Variants in OPN5 observed in about 807,000 individuals in gnomAD.
The protein encoded by OPN5 is opsin 5.
A neutral mutation model predicts 41.7 loss-of-function variants in OPN5; 18 were observed. The observed-to-expected ratio is 0.43, with a 90% CI of 0.30 to 0.64. OPN5 has a LOEUF of 0.64. OPN5 is among the 30% of genes least tolerant of loss of function. The pLI is 0.13. For missense variants in OPN5, 318 were observed against 434.5 expected, an observed-to-expected ratio of 0.73 and a Z score of 2.38; for synonymous variants, 178 against 164.3, an observed-to-expected ratio of 1.08 and a Z score of -0.64.
intron 5 of OPN5, among the ~76,000 whole-genome samples, chr6:47,808,720 A>G (rs957743808): frequency 2.0e-5 from 3 of 152,120 alleles, no homozygotes; most frequent in Non-Finnish European, 2.9e-5. Context: ...ATTTTATTCC[A>G]AGAGTACTGT....
At chr6:47,795,778 T>TCTCTCTCACA (rs766899041) in intron 4 of OPN5, among the ~76,000 whole-genome samples, 145 of 142,888 alleles carry the variant, frequency 1.0e-3, no homozygotes, top group African/African-American at 3.8e-3. Context: ...TCTCTCTCTC[T>TCTCTCTCACA]CACACACACA....
intron 5 of OPN5, 59 bp downstream of exon 5, chr6:47,808,454 T>C (rs967982500): frequency 5.7e-5 from 90 of 1,587,396 alleles, no homozygotes; most frequent in Non-Finnish European, 7.1e-5. Flanking sequence ...TCCGGCAGGG[T>C]TCAAGGTACT....
intron 4 of OPN5, among the ~76,000 whole-genome samples, chr6:47,797,057 A>G (rs1831232): frequency 0.15 from 22,351 of 152,152 alleles, 1,753 homozygotes; most frequent in Middle Eastern, 0.17. Context: ...GAACAGCATG[A>G]GAAAGTCCTG....
downstream of OPN5, chr6:47,825,205 A>G (rs901501743): frequency 2.6e-5 from 4 of 152,236 alleles, no homozygotes; most frequent in African/African-American, 7.2e-5. Context: ...AAGATTAAAT[A>G]AACAATAATA....
intron 2 of OPN5, 108 bp downstream of exon 2, chr6:47,786,742 T>G: frequency 6.5e-6 from 6 of 922,194 alleles, no homozygotes; most frequent in Non-Finnish European, 9.8e-6. Flanking sequence ...TCACATCTCC[T>G]TCCACTCTTC....
chr6:47,788,261 GGCCA>G (rs1773254262), intron 2 of OPN5, among the ~76,000 whole-genome samples: 1 of 152,214 alleles, frequency 6.6e-6, no homozygotes, highest in African/African-American at 2.4e-5. Flanking sequence ...TAGCTTTCCT[GGCCA>G]GCTCGCCTCG....
At chr6:47,806,598 ATCC>A (rs1267363502) in intron 4 of OPN5, among the ~76,000 whole-genome samples, 1 of 152,164 alleles carries the variant, frequency 6.6e-6, no homozygotes, top group African/African-American at 2.4e-5. Flanking sequence ...CTACAGGCTA[ATCC>A]TCCTAAGCAG....
chr6:47,811,945 A>C (rs961503650), intron 6 of OPN5: 11 of 370,876 alleles, frequency 3.0e-5, no homozygotes, highest in Admixed American at 4.2e-5. Context: ...TATCAGGATG[A>C]GCGTCCCTGG....
chr6:47,791,430 A>T (rs1316129610), intron 2 of OPN5, among the ~76,000 whole-genome samples: 2 of 152,230 alleles, frequency 1.3e-5, no homozygotes, highest in Non-Finnish European at 2.9e-5. Context: ...CGAATGAAAG[A>T]CTGCAACAAC....
downstream of OPN5, chr6:47,825,129 G>C (rs1478168448): frequency 6.6e-6 from 1 of 152,128 alleles, no homozygotes; most frequent in African/African-American, 2.4e-5. Context: ...TGGTCCAGTT[G>C]GGAAATGCCT....
intron 4 of OPN5, among the ~76,000 whole-genome samples, chr6:47,805,195 A>C (rs926050069): frequency 6.6e-6 from 1 of 152,228 alleles, no homozygotes; most frequent in Non-Finnish European, 1.5e-5. Flanking sequence ...TAACCAAATA[A>C]AAATTTCTCC....
At chr6:47,807,631 T>C (rs940182488) in intron 4 of OPN5, among the ~76,000 whole-genome samples, 1 of 152,164 alleles carries the variant, frequency 6.6e-6, no homozygotes, top group African/African-American at 2.4e-5. Flanking sequence ...ACCTAGTGAA[T>C]TTCCAGTACC....
chr6:47,805,857 G>C (rs1415612514), intron 4 of OPN5, among the ~76,000 whole-genome samples: 1 of 152,136 alleles, frequency 6.6e-6, no homozygotes, highest in Non-Finnish European at 1.5e-5. Flanking sequence ...CTTAAAGTTG[G>C]GGACGGGAGT....
chr6:47,808,265 G>A, exon 5 of OPN5: 1 of 1,614,004 alleles, frequency 6.2e-7, no homozygotes, highest in Non-Finnish European at 8.5e-7. Flanking sequence ...GCTCTCTGTG[G>A]TGCCAACCCT....
intron 6 of OPN5, among the ~76,000 whole-genome samples, chr6:47,815,497 A>G (rs917126520): frequency 6.6e-6 from 1 of 152,170 alleles, no homozygotes; most frequent in Non-Finnish European, 1.5e-5. Context: ...AGACTGCCAA[A>G]ACATCAGAGA....
chr6:47,801,893 A>G lies in OPN5; in HGVS notation c.757-6261A>G, dbSNP rs78666311. Among the ~76,000 whole-genome samples the G allele has an allele frequency of 6.0e-4, 92 of 152,188 alleles. 1 individual carries two copies. The highest frequency in any genetic ancestry group is 1.2e-3 in the South Asian group (6 of 4,812). On this transcript the variant is annotated intron_variant, in intron 4 of 6. Transcript: ENST00000371211. Reference sequence around the variant, plus strand: ...GTGCTTAATATATATTTGTTGAAGGAAGGAAGGAAGGATTACTTCAGAGCA... The same window carrying G: ...GTGCTTAATATATATTTGTTGAAGGGAGGAAGGAAGGATTACTTCAGAGCA...
At chr6:47,824,818 A>C (rs905364844), downstream of OPN5, 3 of 151,956 alleles carry the variant, frequency 2.0e-5, no homozygotes, top group Non-Finnish European at 4.4e-5. Flanking sequence ...AGACAACCTG[A>C]ATCAATTTTT....
At chr6:47,788,161 A>C (rs1773250910) in intron 2 of OPN5, among the ~76,000 whole-genome samples, 1 of 152,216 alleles carries the variant, frequency 6.6e-6, no homozygotes, top group Non-Finnish European at 1.5e-5. Flanking sequence ...GTGAAAATAA[A>C]CAGGACGAAC....
chr6:47,798,024 G>A (rs1030645647), intron 4 of OPN5, among the ~76,000 whole-genome samples: 1 of 151,964 alleles, frequency 6.6e-6, no homozygotes, highest in Admixed American at 6.6e-5. Context: ...GGACTGGGTA[G>A]ATCAAATAGG....
Sources: gnomAD v4.1 joint callset for allele counts (sites outside exome capture counted in the v4.1 genomes callset) on GRCh38, gnomAD v4.1.1 for gene constraint, MANE v1.5 for transcripts, NCBI Gene and HGNC (gene_info 2026-07-23, HGNC 2026-07-21) for gene names.